The following PHRF1 variants were observed in gnomAD, a reference collection of about 807,000 sequenced individuals.
The protein encoded by PHRF1 is PHD and ring finger domains 1.
In PHRF1, 53 loss-of-function variants were observed where a neutral mutation model predicts 128.9. That is an observed-to-expected ratio of 0.41 (90% CI 0.33 to 0.52). The LOEUF is 0.52. PHRF1 is among the 20% of genes least tolerant of loss of function. PHRF1 has a pLI of 0.21. For synonymous variants in PHRF1, 1,178 were observed against 980.6 expected (o/e 1.20, Z -3.76); for missense variants, 2,503 against 2,284.5 (o/e 1.10, Z -1.95).
chr11:591,683 G>A (rs889556487), intron 5 of PHRF1, among the ~76,000 whole-genome samples: 24 of 152,156 alleles, frequency 1.6e-4, no homozygotes, highest in African/African-American at 5.8e-4. Context: ...CCAGCTCCTG[G>A]GATATCCCTT....
intron 17 of PHRF1, 144 bp from the exon 18 acceptor site, chr11:611,490 G>A (rs1193530732): frequency 5.2e-6 from 6 of 1,155,652 alleles, no homozygotes; most frequent in African/African-American, 1.6e-5. Flanking sequence ...TAGGTGGGGC[G>A]GCCTCTGCCG....
intron 1 of PHRF1, among the ~76,000 whole-genome samples, chr11:578,415 T>C (rs1366638005): frequency 1.3e-5 from 2 of 152,216 alleles, no homozygotes; most frequent in Non-Finnish European, 2.9e-5. Flanking sequence ...GCCTCAGGAC[T>C]TAGCCCCACA....
rs143047321 is a variant in PHRF1, at chr11:590,169, G to A, written c.421-1215G>A. On this transcript the variant is annotated intron_variant, in intron 4 of 17. Transcript: ENST00000264555. ...CCTCTGGGAACCCCAGTCCCACCAT[G>A]GGGGGTGCTGCCGCACACCCCTGGA... Among the ~76,000 whole-genome samples the A allele has an allele frequency of 5.9e-5, 9 of 152,334 alleles. No homozygotes were observed. The East Asian group carries it at 1.5e-3, about 26-fold the overall frequency.
At position 608,832 on chromosome 11, in the gene PHRF1, A is replaced by G. The variant is rs777696906; in HGVS notation, c.3376A>G (p.Thr1126Ala). 38 of 1,612,074 alleles carry G rather than the reference A, an allele frequency of 2.4e-5. No homozygotes were observed. The highest frequency in any genetic ancestry group is 2.9e-5 in the Non-Finnish European group (34 of 1,179,818). ...ACCTCGGGGAAGGGAGTGCTCCCCC[A>G]CCAGCAGCCTGGAGAGGCTCTGCAG... Reference protein sequence around the residue: ...SRPRGRECSPTSSLERLCRHK... With the variant: ...SRPRGRECSPASSLERLCRHK... Residue 1126 changes from threonine to alanine, a missense_variant, in exon 14 of 18, where the codon ACC becomes GCC. By Grantham distance (58) the Thr-to-Ala change is moderately conservative. Transcript: ENST00000264555.
intron 6 of PHRF1, among the ~76,000 whole-genome samples, chr11:595,747 A>G (rs1167421589): frequency 1.3e-5 from 2 of 152,252 alleles, no homozygotes; most frequent in Non-Finnish European, 2.9e-5. Context: ...GCTGGAGCTC[A>G]GTGGTGGGAA....
intron 4 of PHRF1, among the ~76,000 whole-genome samples, chr11:591,094 G>C (rs1030217127): frequency 5.9e-5 from 9 of 152,204 alleles, no homozygotes; most frequent in African/African-American, 2.2e-4. Flanking sequence ...CCGCAGAGGG[G>C]CCTGTGCACA....
chr11:608,682 G>A lies in PHRF1; in HGVS notation c.3226G>A (p.Glu1076Lys). The change falls in exon 14 of 18, where the codon GAG (glutamate) becomes AAG (lysine). Residue 1076 changes from glutamate to lysine, a missense_variant. Physicochemically the swap from Glu to Lys is moderately conservative, Grantham distance 56. Coordinates refer to ENST00000264555, the MANE Select transcript of PHRF1 (RefSeq NM_001286581.2). ...KRKKAKDKSR[E>K]HRRGPWGHSR... ...GAAGAAAGCCAAGGACAAGAGCAGGGAGCACAGGCGGGGCCCCTGGGGCCA... is the reference window on the plus strand; with the variant it reads ...GAAGAAAGCCAAGGACAAGAGCAGGAAGCACAGGCGGGGCCCCTGGGGCCA... 2 of 1,612,342 alleles carry A rather than the reference G, an allele frequency of 1.2e-6. No individual in the cohort carries two copies. Among genetic ancestry groups the A allele is most frequent in the Non-Finnish European group, 1.7e-6 (2 of 1,179,764 alleles).
At chr11:601,511 C>T (rs1302819506) in intron 9 of PHRF1, 63 bp from the exon 10 acceptor site, 8 of 1,604,872 alleles carry the variant, frequency 5.0e-6, no homozygotes, top group Admixed American at 1.7e-5. Flanking sequence ...GGGCTGGACT[C>T]ACAGGAATGG....
rs549849218 is a variant in PHRF1, at chr11:598,418, G to A, written c.940G>A (p.Glu314Lys). 5.6e-6 allele frequency: 9 copies of A among 1,611,268 alleles called. No homozygotes were observed. The Admixed American group carries it at 6.7e-5, about 12-fold the overall frequency. The change falls in exon 9 of 18, where the codon GAG (glutamate) becomes AAG (lysine). Residue 314 changes from glutamate to lysine, a missense_variant. Transcript: ENST00000264555. ...LGSSLLDEAI[E>K]AVATGLSTAV... ...GTCTTCCCTGCTGGATGAAGCCATC[G>A]AGGCTGTGGCGACTGGCCTGAGCAC...
intron 11 of PHRF1, 95 bp downstream of exon 11, chr11:605,395 T>A (rs1045255346): frequency 4.0e-6 from 6 of 1,518,202 alleles, no homozygotes; most frequent in Non-Finnish European, 5.4e-6. Context: ...GGCGTTAGGT[T>A]TTGTGTTTGA....
rs1256722381 is a variant in PHRF1, at chr11:598,404, T to C, written c.926T>C (p.Leu309Pro). ...CCAGGGCGCCTCGGGTCTTCCCTGC[T>C]GGATGAAGCCATCGAGGCTGTGGCG... ...HTPGRLGSSLLDEAIEAVATG... is the reference protein window; with the variant it reads ...HTPGRLGSSLPDEAIEAVATG... Residue 309 changes from leucine to proline, a missense_variant, in exon 9 of 18, where the codon CTG becomes CCG. Leu to Pro is a moderately conservative substitution (Grantham distance 98). Transcript: ENST00000264555. 6.2e-7 allele frequency: 1 copy of C among 1,610,940 alleles called. No individual in the cohort carries two copies. The highest frequency in any genetic ancestry group is 2.2e-5 in the East Asian group (1 of 44,884).
In PHRF1 at chr11:605,815, C is replaced by T. The variant is rs534959844; in HGVS notation, c.1454+91C>T. On this transcript the variant is annotated intron_variant, in intron 12 of 17. Coordinates refer to ENST00000264555, the MANE Select transcript of PHRF1 (RefSeq NM_001286581.2). ...GGTGGGGCCGTGATAGCCTGGCTCT[C>T]TGTGGCCCTGGGTGGCGTCAGCACC... The T allele has an allele frequency of 2.0e-6, 3 of 1,469,850 alleles. No homozygotes were observed. The Admixed American group carries it at 7.7e-5, about 38-fold the overall frequency. 91.1% of individuals were successfully genotyped at this position (1,469,850 alleles called of 1,614,324 possible).
In PHRF1 at chr11:602,867, A is replaced by G. The variant is rs552836151; in HGVS notation, c.1152+1166A>G. 1.6e-4 allele frequency among the ~76,000 whole-genome samples: 24 copies of G among 148,290 alleles called. No homozygotes were observed. The South Asian group carries it at 4.5e-3, about 28-fold the overall frequency. ...ACCCTCCACCTCCCGGGTTCAAGTG[A>G]TTCTCCTCCCTCAGCCTCCTGAGTC... On this transcript the variant is annotated intron_variant, in intron 10 of 17. Transcript: ENST00000264555.
chr11:588,395 T>C (rs1854716240), intron 4 of PHRF1, among the ~76,000 whole-genome samples: 1 of 152,142 alleles, frequency 6.6e-6, no homozygotes, highest in Non-Finnish European at 1.5e-5. Context: ...TTTTGTTTTT[T>C]TGAGACGGAG....
intron 3 of PHRF1, 54 bp downstream of exon 3, chr11:582,135 G>A: frequency 6.5e-7 from 1 of 1,550,370 alleles, no homozygotes; most frequent in Non-Finnish European, 8.7e-7. Context: ...TCGTGATGGG[G>A]ACAGCCTTTT....
intron 4 of PHRF1, among the ~76,000 whole-genome samples, chr11:589,839 A>AGAGT (rs1854835369): frequency 2.0e-5 from 1 of 49,418 alleles, no homozygotes; most frequent in South Asian, 7.3e-4. Flanking sequence ...CCTGAGAGAG[A>AGAGT]GTCTGCAAAC....
At chr11:604,991 C>G in intron 10 of PHRF1, 128 bp from the exon 11 acceptor site, 3 of 941,738 alleles carry the variant, frequency 3.2e-6, no homozygotes, top group Non-Finnish European at 4.7e-6. Flanking sequence ...AGCCCATTGA[C>G]TTTGGCTTAG....
chr11:576,647 C>T (rs1337249356), intron 1 of PHRF1, 55 bp downstream of exon 1: 2 of 149,156 alleles, frequency 1.3e-5, no homozygotes, highest in Non-Finnish European at 3.0e-5. Context: ...GGCCGCGGGC[C>T]GCCTGTGGGC....
Position 601,711 on chromosome 11 carries a change from G to A in PHRF1, c.1152+10G>A, listed in dbSNP as rs1194684972. On this transcript the variant is annotated intron_variant, in intron 10 of 17. Coordinates refer to ENST00000264555, the MANE Select transcript of PHRF1 (RefSeq NM_001286581.2). ...AGGGAAGAAGGTAAAGGTGAGCATTGGGTGGCAGGGCCTGAGTCTCCTGCT... is the reference window on the plus strand; with the variant it reads ...AGGGAAGAAGGTAAAGGTGAGCATTAGGTGGCAGGGCCTGAGTCTCCTGCT... 2 of 1,613,532 alleles carry A rather than the reference G, an allele frequency of 1.2e-6. No individual in the cohort carries two copies. The highest frequency in any genetic ancestry group is 1.7e-6 in the Non-Finnish European group (2 of 1,179,726).
Sources: allele counts gnomAD v4.1 joint callset (sites outside exome capture counted in the v4.1 genomes callset), GRCh38; gene constraint gnomAD v4.1.1; transcripts MANE v1.5; gene names NCBI Gene and HGNC (gene_info 2026-07-23, HGNC 2026-07-21).